Variants in S100A7A observed in about 807,000 individuals in gnomAD.
S100A7A encodes the protein S100 calcium binding protein A7A, also known as protein S100-A7A.
Under a neutral mutation model 4.0 loss-of-function variants are expected in S100A7A, and 5 were observed. That is an observed-to-expected ratio of 1.26 (90% CI 0.66 to 2.66). S100A7A has a LOEUF of 2.66. Among genes scored for constraint, S100A7A ranks in the 30% most tolerant of loss-of-function variants. The pLI, the probability that S100A7A is intolerant of heterozygous loss-of-function variation, is 0.01. For missense variants in S100A7A, 159 were observed against 125.1 expected (o/e 1.27, Z -1.29); for synonymous variants, 52 against 46.4 (o/e 1.12, Z -0.49).
chr1:153,417,563 G>A (rs1022934536), intron 1 of S100A7A, among the ~76,000 whole-genome samples: 1 of 152,174 alleles, frequency 6.6e-6, no homozygotes, highest in African/African-American at 2.4e-5. Flanking sequence ...TGTCATGCAG[G>A]GCTTGCACTT....
rs115692607 is a variant in S100A7A, at chr1:153,420,940, T to C, written c.*1631T>C. Reference sequence around the variant, plus strand: ...CCTGCAGATCTCCAGCCCAGAACCATCTTCCCCTGTTGTCCTCCTCTCTCC... The same window carrying C: ...CCTGCAGATCTCCAGCCCAGAACCACCTTCCCCTGTTGTCCTCCTCTCTCC... On this transcript the variant is annotated 3_prime_UTR_variant, in exon 3 of 3. Coordinates refer to ENST00000368729, the MANE Select transcript of S100A7A (RefSeq NM_176823.4). 1,909 of 152,626 alleles carry C rather than the reference T, an allele frequency of 0.013. 40 individuals are homozygous for C. The highest frequency in any genetic ancestry group is 0.043 in the African/African-American group (1,802 of 41,494). The allele number at this position is 152,626 out of a possible 1,614,324, so 9.5% of individuals were successfully genotyped here. A position where few individuals can be genotyped will look rare whatever the true frequency, so the allele number is the denominator to read the frequency against.
At position 153,418,146 on chromosome 1, in the gene S100A7A, G is replaced by T. The variant is rs148017351; in HGVS notation, c.64G>T (p.Gly22Ter). 1 of 1,614,032 alleles carries T rather than the reference G, an allele frequency of 6.2e-7. No individual in the cohort carries two copies. The highest frequency in any genetic ancestry group is 1.7e-5 in the Admixed American group (1 of 60,012). Residue 22 changes from glycine (G) to a stop codon, truncating the protein, a stop_gained, in exon 2 of 3, where the codon GGA becomes TGA. Coordinates refer to ENST00000368729, the MANE Select transcript of S100A7A (RefSeq NM_176823.4). LOFTEE classifies it high-confidence loss of function. ...GMIDMFHKYT[G>*]RDGKIEKPSL... Reference sequence around the variant, plus strand: ...GATCGACATGTTTCACAAATACACCGGACGTGATGGCAAGATTGAGAAGCC... The same window carrying T: ...GATCGACATGTTTCACAAATACACCTGACGTGATGGCAAGATTGAGAAGCC...
rs1272534758 is a variant in S100A7A at position 153,421,370 on chromosome 1, T to C, written c.*2061T>C. ...TACATTACTTCAGATTCCCCTAATG[T>C]CTTTCCAGCCAGACTTGGAATCATG... On this transcript the variant is annotated 3_prime_UTR_variant, in exon 3 of 3. Transcript: ENST00000368729. 1.3e-5 allele frequency: 2 copies of C among 152,216 alleles called. No homozygotes were observed. Among genetic ancestry groups the C allele is most frequent in the African/African-American group, 2.4e-5 (1 of 41,440 alleles). The allele number at this position is 152,216 out of a possible 1,614,324, so 9.4% of individuals were successfully genotyped here. A position where few individuals can be genotyped will look rare whatever the true frequency, so the allele number is the denominator to read the frequency against.
chr1:153,417,919 C>A, intron 1 of S100A7A, 147 bp from the exon 2 acceptor site: 1 of 987,738 alleles, frequency 1.0e-6, no homozygotes, highest in Non-Finnish European at 1.4e-6. Flanking sequence ...TTTTGAACAA[C>A]TTATCCCATC....
intron 2 of S100A7A, 148 bp downstream of exon 2, chr1:153,418,371 T>C (rs1354459691): frequency 5.4e-6 from 6 of 1,108,974 alleles, no homozygotes; most frequent in Non-Finnish European, 7.7e-6. Context: ...GGATCATATG[T>C]GAATCTAAGG....
Position 153,421,700 on chromosome 1 carries a change from G to A in S100A7A, c.*2391G>A, listed in dbSNP as rs1662901075. 1 of 152,284 alleles carries A rather than the reference G, an allele frequency of 6.6e-6. No individual in the cohort carries two copies. Among genetic ancestry groups the A allele is most frequent in the Non-Finnish European group, 1.5e-5 (1 of 68,108 alleles). 9.4% of individuals were successfully genotyped at this position (152,284 alleles called of 1,614,324 possible). ...CACGTACTGATCTCCCAAAAGAAGA[G>A]AGGGTCTCCCTGGGGTGGGGTTGCT... On this transcript the variant is annotated 3_prime_UTR_variant, in exon 3 of 3. Coordinates refer to ENST00000368729, the MANE Select transcript of S100A7A (RefSeq NM_176823.4).
At chr1:153,417,545 A>G (rs558898704) in intron 1 of S100A7A, among the ~76,000 whole-genome samples, 1 of 152,260 alleles carries the variant, frequency 6.6e-6, no homozygotes, top group African/African-American at 2.4e-5. Flanking sequence ...TGGAGCCTGC[A>G]CGCACTGTGT....
Position 153,419,496 on chromosome 1 carries a change from G to A in S100A7A, c.*187G>A. The A allele has an allele frequency of 1.5e-6, 1 of 658,750 alleles. No individual in the cohort carries two copies. The allele number at this position is 658,750 out of a possible 1,614,324, so 40.8% of individuals were successfully genotyped here. The stretch of plus-strand genomic sequence containing the variant: ...GTCACCCAGGAGTAATGTCCCTCCA[G>A]CAACGTTCCCCCTATGGCCTCCAGC... On this transcript the variant is annotated 3_prime_UTR_variant, in exon 3 of 3. Transcript: ENST00000368729.
Position 153,416,954 on chromosome 1 carries a change from A to G in S100A7A, c.-18+391A>G, listed in dbSNP as rs530407840. 3.3e-5 allele frequency among the ~76,000 whole-genome samples: 5 copies of G among 152,318 alleles called. No individual in the cohort carries two copies. The East Asian group carries it at 9.6e-4, about 29-fold the overall frequency. On this transcript the variant is annotated intron_variant, in intron 1 of 2. Transcript: ENST00000368729. The stretch of plus-strand genomic sequence containing the variant: ...GAGGAGGGATAAGGATCCCCTGTGA[A>G]TGCTTTGGAGGCTCTCCAAACCCCC...
In S100A7A at chr1:153,422,220, G is replaced by T. The variant is rs1025879533; in HGVS notation, c.*2911G>T. ...GAGGAGAGGGGACCAGACCATCTCC[G>T]CAACCACAGCCCAGAGCTCCAGTCA... On this transcript the variant is annotated 3_prime_UTR_variant, in exon 3 of 3. Transcript: ENST00000368729. The T allele has an allele frequency of 1.3e-5, 2 of 152,250 alleles. No individual in the cohort carries two copies. Among genetic ancestry groups the T allele is most frequent in the African/African-American group, 4.8e-5 (2 of 41,434 alleles). The allele number at this position is 152,250 out of a possible 1,614,324, so 9.4% of individuals were successfully genotyped here.
In S100A7A at chr1:153,422,722, C is replaced by T; in HGVS notation, c.*3413C>T. ...TTCTTCTGACTGACATTTATTCAGC[C>T]TTCTCTACAGGAATCTCTTATGTTC... On this transcript the variant is annotated 3_prime_UTR_variant, in exon 3 of 3. Transcript: ENST00000368729. 2 of 156,786 alleles carry T rather than the reference C, an allele frequency of 1.3e-5. No individual in the cohort carries two copies. Among genetic ancestry groups the T allele is most frequent in the Non-Finnish European group, 2.8e-5 (2 of 72,198 alleles). 9.7% of individuals were successfully genotyped at this position (156,786 alleles called of 1,614,324 possible). A position where few individuals can be genotyped will look rare whatever the true frequency, so the allele number is the denominator to read the frequency against.
Position 153,419,609 on chromosome 1 carries a change from G to T in S100A7A, c.*300G>T, listed in dbSNP as rs1003276788. On this transcript the variant is annotated 3_prime_UTR_variant, in exon 3 of 3. Transcript: ENST00000368729. ...CCACCTTGGCAGGTTCCAGGTGGAA[G>T]TTGGTAGAAGGCCCCTGCCAGGTCA... 8 of 394,906 alleles carry T rather than the reference G, an allele frequency of 2.0e-5. No homozygotes were observed. The highest frequency in any genetic ancestry group is 3.7e-5 in the Non-Finnish European group (8 of 219,162). 24.5% of individuals were successfully genotyped at this position (394,906 alleles called of 1,614,324 possible). A position where few individuals can be genotyped will look rare whatever the true frequency, so the allele number is the denominator to read the frequency against.
chr1:153,419,049 G>C (rs1376751096), intron 2 of S100A7A, 96 bp from the exon 3 acceptor site: 7 of 1,325,790 alleles, frequency 5.3e-6, no homozygotes, highest in Admixed American at 1.8e-5. Flanking sequence ...TGCAGATCTA[G>C]GTACTTGTCT....
At chr1:153,417,537 G>T (rs1279174813) in intron 1 of S100A7A, among the ~76,000 whole-genome samples, 2 of 152,180 alleles carry the variant, frequency 1.3e-5, no homozygotes, top group African/African-American at 4.8e-5. Flanking sequence ...TGTGCACCTG[G>T]AGCCTGCACG....
chr1:153,417,002 C>T (rs1223622621), intron 1 of S100A7A, among the ~76,000 whole-genome samples: 1 of 152,202 alleles, frequency 6.6e-6, no homozygotes, highest in African/African-American at 2.4e-5. Context: ...TGTAAATTCT[C>T]AGTCAATCTC....
chr1:153,418,488 C>A (rs548907431), intron 2 of S100A7A, among the ~76,000 whole-genome samples: 1 of 152,266 alleles, frequency 6.6e-6, no homozygotes, highest in African/African-American at 2.4e-5. Flanking sequence ...CAGTCCCCTC[C>A]CAGCGCTCAC....
rs777185722 is a variant in S100A7A at position 153,418,117 on chromosome 1, G to T, written c.35G>T (p.Gly12Val). Reference sequence around the variant, plus strand: ...ACTCAAGCTGAGAGGTCCATAATAGGCATGATCGACATGTTTCACAAATAC... The same window carrying T: ...ACTCAAGCTGAGAGGTCCATAATAGTCATGATCGACATGTTTCACAAATAC... ...SNTQAERSII[G>V]MIDMFHKYTG... Residue 12 changes from glycine to valine, a missense_variant, in exon 2 of 3, where the codon GGC becomes GTC. Gly to Val is a moderately radical substitution (Grantham distance 109). Transcript: ENST00000368729. 2.5e-6 allele frequency: 4 copies of T among 1,614,032 alleles called. No individual in the cohort carries two copies. The highest frequency in any genetic ancestry group is 2.7e-5 in the African/African-American group (2 of 74,910).
At chr1:153,418,680 G>A (rs1457655116) in intron 2 of S100A7A, among the ~76,000 whole-genome samples, 3 of 152,180 alleles carry the variant, frequency 2.0e-5, no homozygotes, top group African/African-American at 7.2e-5. Flanking sequence ...GGGCTACTAG[G>A]TACCAAAGGG....
Position 153,422,891 on chromosome 1 carries a change from G to A in S100A7A, c.*3582G>A, listed in dbSNP as rs1307965530. ...TTGATAAACAACCAGATTGTTTCTG[G>A]TTCCCTGCCACTATAAAAACACCAT... On this transcript the variant is annotated 3_prime_UTR_variant, in exon 3 of 3. Coordinates refer to ENST00000368729, the MANE Select transcript of S100A7A (RefSeq NM_176823.4). 6.6e-6 allele frequency: 1 copy of A among 152,082 alleles called. No homozygotes were observed. The highest frequency in any genetic ancestry group is 1.5e-5 in the Non-Finnish European group (1 of 68,004). The allele number at this position is 152,082 out of a possible 1,614,324, so 9.4% of individuals were successfully genotyped here.
Sources: gnomAD v4.1 joint callset for allele counts (sites outside exome capture counted in the v4.1 genomes callset) on GRCh38, gnomAD v4.1.1 for gene constraint, MANE v1.5 for transcripts, NCBI Gene and HGNC (gene_info 2026-07-23, HGNC 2026-07-21) for gene names.